NEGR1: variants seen among roughly 807,000 people sequenced by gnomAD.
NEGR1 encodes the protein neuronal growth regulator 1, also known as IgLON family member 4.
In NEGR1, 10 loss-of-function variants were observed where a neutral mutation model predicts 40.9. The ratio of observed to expected loss-of-function variants is 0.24; its 90% CI spans 0.15 to 0.42. The LOEUF is 0.42. Among genes scored for constraint, NEGR1 ranks in the 10% least tolerant of loss-of-function variants. The pLI, the probability that NEGR1 is intolerant of heterozygous loss-of-function variation, is 1.00. For missense variants in NEGR1, 352 were observed against 438.9 expected (o/e 0.80, Z 1.77); for synonymous variants, 185 against 166.8 (o/e 1.11, Z -0.84).
In NEGR1 at chr1:71,657,192, C is replaced by A. The variant is rs1651907613; in HGVS notation, c.667+40816G>T. Among the ~76,000 whole-genome samples, 3 of 152,146 alleles carry A rather than the reference C, an allele frequency of 2.0e-5. No individual in the cohort carries two copies. In the South Asian group the frequency reaches 6.2e-4, roughly 32 times the overall value. ...ACTAGTGAATTCTTTAAAAGGCAAA[C>A]AAAACCTCATGTTTCTTCACAGGAA... is the stretch of plus-strand genomic sequence containing the variant. On this transcript the variant is annotated intron_variant, in intron 4 of 6. Transcript: ENST00000357731.
At chr1:71,614,086 TTTATTC>T (rs1422783356) in intron 4 of NEGR1, among the ~76,000 whole-genome samples, 1 of 152,144 alleles carries the variant, frequency 6.6e-6, no homozygotes, top group African/African-American at 2.4e-5. Flanking sequence ...CTGTGGTGTT[TTTATTC>T]TTATTATTTA....
chr1:71,858,295 TATC>T (rs1230739599), intron 2 of NEGR1, among the ~76,000 whole-genome samples: 1 of 151,902 alleles, frequency 6.6e-6, no homozygotes, highest in Non-Finnish European at 1.5e-5. Flanking sequence ...CTCAGATCTG[TATC>T]ATTTAGAATG....
intron 4 of NEGR1, among the ~76,000 whole-genome samples, chr1:71,619,790 G>A (rs1650554471): frequency 6.6e-6 from 1 of 151,978 alleles, no homozygotes. Context: ...AGTCATTTCA[G>A]GATGAAGATA....
intron 3 of NEGR1, among the ~76,000 whole-genome samples, chr1:71,729,351 T>C (rs941860987): frequency 5.3e-5 from 8 of 152,170 alleles, no homozygotes; most frequent in African/African-American, 1.7e-4. Context: ...TTATTCTTTT[T>C]CACCTAAACT....
intron 1 of NEGR1, 72 bp from the exon 2 acceptor site, chr1:71,935,383 GT>G (rs963971337): frequency 9.9e-6 from 11 of 1,106,896 alleles, no homozygotes; most frequent in African/African-American, 1.6e-5. Flanking sequence ...TGTTCTGAGT[GT>G]TTTTTTCTTT....
At chr1:72,230,974 T>C (rs948031138) in intron 1 of NEGR1, among the ~76,000 whole-genome samples, 1 of 152,166 alleles carries the variant, frequency 6.6e-6, no homozygotes, top group African/African-American at 2.4e-5. Flanking sequence ...AAAACTTTTA[T>C]GTGATTTCTA....
At chr1:71,583,388 T>C (rs1308385874) in intron 6 of NEGR1, among the ~76,000 whole-genome samples, 1 of 152,108 alleles carries the variant, frequency 6.6e-6, no homozygotes, top group African/African-American at 2.4e-5. Flanking sequence ...GAAATACAGG[T>C]GGTTCTGCAG....
chr1:72,134,342 A>G (rs1650368747), intron 1 of NEGR1, among the ~76,000 whole-genome samples: 1 of 151,236 alleles, frequency 6.6e-6, no homozygotes, highest in South Asian at 2.1e-4. Flanking sequence ...AGTAGCTGGG[A>G]CTACAGGCGC....
At chr1:72,194,264 G>T (rs1303589647) in intron 1 of NEGR1, among the ~76,000 whole-genome samples, 1 of 151,784 alleles carries the variant, frequency 6.6e-6, no homozygotes. Context: ...AGGGAAAAGG[G>T]AGCTAATATT....
At chr1:71,662,751 A>G (rs915226489) in intron 4 of NEGR1, among the ~76,000 whole-genome samples, 2 of 151,696 alleles carry the variant, frequency 1.3e-5, no homozygotes, top group Non-Finnish European at 2.9e-5. Flanking sequence ...CTATAAAATT[A>G]TATTGATGTG....
At chr1:72,135,184 G>A (rs1004795027) in intron 1 of NEGR1, among the ~76,000 whole-genome samples, 31 of 150,144 alleles carry the variant, frequency 2.1e-4, no homozygotes, top group African/African-American at 5.6e-4. Flanking sequence ...AGACCATCCC[G>A]GCTAACACGG....
chr1:72,050,877 T>C (rs1647053291), intron 1 of NEGR1, among the ~76,000 whole-genome samples: 1 of 151,512 alleles, frequency 6.6e-6, no homozygotes, highest in South Asian at 2.1e-4. Flanking sequence ...AGAAGCCCAC[T>C]TAGAGTAGAA....
chr1:72,278,354 T>C (rs183636529), intron 1 of NEGR1, among the ~76,000 whole-genome samples: 12 of 152,234 alleles, frequency 7.9e-5, no homozygotes, highest in Non-Finnish European at 1.5e-5. Context: ...AGAGAAGGGC[T>C]GAATAAGAAA....
intron 1 of NEGR1, among the ~76,000 whole-genome samples, chr1:72,274,296 T>C (rs1483597141): frequency 2.0e-5 from 3 of 152,066 alleles, no homozygotes; most frequent in African/African-American, 7.2e-5. Context: ...TAAACCAAAC[T>C]TGTGGCTAGG....
At chr1:72,099,187 T>G (rs1648833414) in intron 1 of NEGR1, among the ~76,000 whole-genome samples, 1 of 151,954 alleles carries the variant, frequency 6.6e-6, no homozygotes, top group South Asian at 2.1e-4. Flanking sequence ...AGGGCTATTT[T>G]GAATAATAAA....
chr1:71,820,172 G>A (rs149651842), intron 2 of NEGR1, among the ~76,000 whole-genome samples: 13 of 152,056 alleles, frequency 8.5e-5, no homozygotes, highest in African/African-American at 2.6e-4. Flanking sequence ...AATAAAAGAC[G>A]ACACCAGTGG....
intron 6 of NEGR1, chr1:71,472,693 A>G (rs2101358854): frequency 6.6e-6 from 1 of 152,224 alleles, no homozygotes; most frequent in East Asian, 1.9e-4. Context: ...GGTGGTGGGA[A>G]ACAAAATCTA....
chr1:71,705,005 C>A (rs1174897316), intron 3 of NEGR1, among the ~76,000 whole-genome samples: 1 of 151,688 alleles, frequency 6.6e-6, no homozygotes, highest in East Asian at 1.9e-4. Flanking sequence ...ACAACAATAA[C>A]AATATATGGG....
chr1:71,420,985 T>A (rs893046703), intron 6 of NEGR1, among the ~76,000 whole-genome samples: 3 of 152,064 alleles, frequency 2.0e-5, no homozygotes, highest in Non-Finnish European at 4.4e-5. Flanking sequence ...AGTAATATAA[T>A]TAATTTTTGA....
Sources: gnomAD v4.1 joint callset for allele counts (sites outside exome capture counted in the v4.1 genomes callset) on GRCh38, gnomAD v4.1.1 for gene constraint, MANE v1.5 for transcripts, NCBI Gene and HGNC (gene_info 2026-07-23, HGNC 2026-07-21) for gene names.